USP49: variants seen among roughly 807,000 people sequenced by gnomAD.
USP49 encodes the protein ubiquitin carboxyl-terminal hydrolase 49.
A neutral mutation model predicts 58.6 loss-of-function variants in USP49; 24 were observed. The observed-to-expected ratio is 0.41, with a 90% CI of 0.30 to 0.58. The LOEUF (loss-of-function observed/expected upper bound fraction) is 0.58. Ranked by LOEUF, USP49 falls within the 20% of genes least tolerant of loss-of-function variation. The pLI, the probability that USP49 is intolerant of heterozygous loss-of-function variation, is 0.30. For missense variants in USP49, 703 were observed against 866.1 expected (o/e 0.81, Z 2.36); for synonymous variants, 408 against 365.1 (o/e 1.12, Z -1.34).
chr6:41,821,495 G>A (rs1181308615), intron 3 of USP49, among the ~76,000 whole-genome samples: 1 of 152,154 alleles, frequency 6.6e-6, no homozygotes, highest in African/African-American at 2.4e-5. Context: ...GTCCGAGGCC[G>A]GGCATGGTAG....
intron 6 of USP49, among the ~76,000 whole-genome samples, chr6:41,799,628 A>C (rs1178858399): frequency 6.6e-6 from 1 of 152,236 alleles, no homozygotes; most frequent in Non-Finnish European, 1.5e-5. Context: ...CAGGAGCATG[A>C]GAGCAAAAGC....
intron 3 of USP49, among the ~76,000 whole-genome samples, chr6:41,867,470 G>A (rs113897244): frequency 0.017 from 2,524 of 152,004 alleles, 53 homozygotes; most frequent in African/African-American, 0.051. Context: ...CTGGCCGGGC[G>A]CGGTGGCTCA....
Position 41,806,101 on chromosome 6 carries a change from T to C in USP49, c.883A>G (p.Lys295Glu), listed in dbSNP as rs765282188. 1 of 1,613,994 alleles carries C rather than the reference T, an allele frequency of 6.2e-7. No individual in the cohort carries two copies. ...AGCTGAGTCTTCCCGTTGGTGGCTT[T>C]GGGAAACAGATGTTCCGTTTTGGAA... is the stretch of plus-strand genomic sequence containing the variant. ...DPSKTEHLFP[K>E]ATNGKTQLSG... The change falls in exon 4 of 8, where the codon AAA becomes GAA. Residue 295 changes from lysine (K) to glutamate (E), a missense_variant. By Grantham distance (56) the Lys-to-Glu change is moderately conservative. Around this residue, in one of 6 missense-constraint regions of USP49, gnomAD observed 97 missense variants for 88.0 expected, o/e 1.10. Transcript: ENST00000682992. This position sits in a 1 kb window ranked among gnomAD's most constrained non-coding sequence, Gnocchi z 5.9.
rs1773024489 is a variant in USP49 at position 41,802,436 on chromosome 6, ATTT to A, written c.1561+1367_1561+1369del. On this transcript the variant is annotated intron_variant, in intron 5 of 7. Coordinates refer to ENST00000682992, the MANE Select transcript of USP49 (RefSeq NM_001286554.2). ...TATTTTATTTTATTTTATTTTATTT[ATTT>A]ATTTATTTATTTATTTATTTATTTA... Among the ~76,000 whole-genome samples, 3 of 32,680 alleles carry A rather than the reference ATTT, an allele frequency of 9.2e-5. No individual in the cohort carries two copies. The East Asian group carries it at 2.5e-3, about 27-fold the overall frequency. The allele number at this position is 32,680 out of a possible 152,430, so 21.4% of individuals were successfully genotyped here. A position where few individuals can be genotyped will look rare whatever the true frequency, so the allele number is the denominator to read the frequency against.
intron 2 of USP49, among the ~76,000 whole-genome samples, chr6:41,880,812 CAG>C (rs1246487421): frequency 3.9e-5 from 6 of 151,998 alleles, no homozygotes; most frequent in Admixed American, 2.6e-4. Context: ...TCAAGGAAAA[CAG>C]GGGGTTCTCC....
intron 3 of USP49, among the ~76,000 whole-genome samples, chr6:41,856,673 A>G (rs1405581988): frequency 6.6e-6 from 1 of 152,186 alleles, no homozygotes; most frequent in Non-Finnish European, 1.5e-5. Flanking sequence ...AAACTGTGCC[A>G]AACTCAATGC....
intron 3 of USP49, among the ~76,000 whole-genome samples, chr6:41,809,616 G>A (rs915376135): frequency 4.0e-5 from 6 of 151,694 alleles, no homozygotes; most frequent in Admixed American, 2.6e-4. Flanking sequence ...CACAAGGTCA[G>A]GAGATCGAGA....
chr6:41,796,530 C>A lies in USP49; in HGVS notation c.*3G>T. 1.4e-6 allele frequency: 1 copy of A among 717,050 alleles called. No homozygotes were observed. Among genetic ancestry groups the A allele is most frequent in the South Asian group, 1.5e-5 (1 of 67,574 alleles). 44.4% of individuals were successfully genotyped at this position (717,050 alleles called of 1,614,324 possible). ...AAGCCAGTCTTTGATACATGCCTCCCATTCAGGAAAATGTCTGTGGTCTGC... is the reference window on the plus strand; with the variant it reads ...AAGCCAGTCTTTGATACATGCCTCCAATTCAGGAAAATGTCTGTGGTCTGC... On this transcript the variant is annotated 3_prime_UTR_variant, in exon 8 of 8. Transcript: ENST00000682992.
At chr6:41,866,596 T>C (rs1252232072) in intron 3 of USP49, among the ~76,000 whole-genome samples, 2 of 152,182 alleles carry the variant, frequency 1.3e-5, no homozygotes, top group African/African-American at 4.8e-5. Context: ...CTGGGATCAT[T>C]ACAATGTTCT....
intron 3 of USP49, among the ~76,000 whole-genome samples, chr6:41,818,129 TAAG>T (rs1773389464): frequency 6.6e-6 from 1 of 152,100 alleles, no homozygotes; most frequent in African/African-American, 2.4e-5. Flanking sequence ...TGATGGGTGT[TAAG>T]GAGATGCCAC....
intron 3 of USP49, among the ~76,000 whole-genome samples, chr6:41,839,187 G>A (rs1773777527): frequency 6.6e-6 from 1 of 151,888 alleles, no homozygotes; most frequent in Non-Finnish European, 1.5e-5. Flanking sequence ...CAGGTGGATT[G>A]CTTGAGCTTA....
chr6:41,864,890 T>C lies in USP49; in HGVS notation c.-29+6674A>G, dbSNP rs898039020. ...TCTAATGAGCCAAGTCATATCTTTT[T>C]GTATAAAACTCTATTAAATAAATTA... On this transcript the variant is annotated intron_variant, in intron 3 of 7. Transcript: ENST00000682992. Among the ~76,000 whole-genome samples, 4 of 152,248 alleles carry C rather than the reference T, an allele frequency of 2.6e-5. No homozygotes were observed. The South Asian group carries it at 8.3e-4, about 32-fold the overall frequency.
At position 41,802,452 on chromosome 6, in the gene USP49, A is replaced by ATTTTTTT. The variant is rs1561902624; in HGVS notation, c.1561+1353_1561+1354insAAAAAAA. Among the ~76,000 whole-genome samples the ATTTTTTT allele has an allele frequency of 4.1e-4, 26 of 63,804 alleles. 2 individuals carry two copies. The highest frequency in any genetic ancestry group is 5.5e-4 in the Non-Finnish European group (19 of 34,508). The allele number at this position is 63,804 out of a possible 152,430, so 41.9% of individuals were successfully genotyped here. On this transcript the variant is annotated intron_variant, in intron 5 of 7. Coordinates refer to ENST00000682992, the MANE Select transcript of USP49 (RefSeq NM_001286554.2). ...ATTTTATTTATTTATTTATTTATTTATTTATTTATTTATTTATTTTTTATT... is the reference window on the plus strand; with the variant it reads ...ATTTTATTTATTTATTTATTTATTTATTTTTTTTTTATTTATTTATTTATTTTTTATT...
intron 5 of USP49, among the ~76,000 whole-genome samples, chr6:41,801,481 G>A (rs757190585): frequency 1.2e-4 from 18 of 152,302 alleles, no homozygotes; most frequent in East Asian, 5.8e-4. Context: ...GGGTGTAGTC[G>A]TCACAATACG....
intron 3 of USP49, among the ~76,000 whole-genome samples, chr6:41,830,443 A>G (rs1773614131): frequency 6.6e-6 from 1 of 152,238 alleles, no homozygotes; most frequent in African/African-American, 2.4e-5. Flanking sequence ...CAGAAATTCC[A>G]TATAAGTTTA....
chr6:41,802,454 T>TTATG (rs1773028389), intron 5 of USP49, among the ~76,000 whole-genome samples: 1 of 86,194 alleles, frequency 1.2e-5, no homozygotes, highest in African/African-American at 5.0e-5. Flanking sequence ...ATTTATTTAT[T>TTATG]TATTTATTTA....
At chr6:41,819,176 T>A (rs968637476) in intron 3 of USP49, among the ~76,000 whole-genome samples, 2 of 152,072 alleles carry the variant, frequency 1.3e-5, no homozygotes, top group Non-Finnish European at 2.9e-5. Context: ...AAGCAGGTAT[T>A]TAGAATATCT....
At chr6:41,802,699 A>C (rs1012888641) in intron 5 of USP49, among the ~76,000 whole-genome samples, 11 of 151,860 alleles carry the variant, frequency 7.2e-5, no homozygotes, top group Non-Finnish European at 1.2e-4. Flanking sequence ...TTAGTTTCCA[A>C]ATCTATATAT....
At chr6:41,882,330 G>C (rs1279167432) in intron 2 of USP49, among the ~76,000 whole-genome samples, 9 of 152,164 alleles carry the variant, frequency 5.9e-5, no homozygotes, top group Admixed American at 5.9e-4. Flanking sequence ...ATAGAAAGGT[G>C]AGAAACTTGA....
Sources: allele counts gnomAD v4.1 joint callset (sites outside exome capture counted in the v4.1 genomes callset), GRCh38; gene constraint gnomAD v4.1.1; regional missense constraint gnomAD v4.1.1; non-coding constraint Gnocchi (gnomAD v3.1); transcripts MANE v1.5; gene names NCBI Gene and HGNC (gene_info 2026-07-23, HGNC 2026-07-21).